TMEM138: variants seen among roughly 807,000 people sequenced by gnomAD.
The protein encoded by TMEM138 is transmembrane protein 138.
In TMEM138, 9 loss-of-function variants were observed where a neutral mutation model predicts 18.1. That is an observed-to-expected ratio of 0.50 (90% CI 0.30 to 0.87). TMEM138 has a LOEUF of 0.87. Ranked by LOEUF, TMEM138 falls within the 40% of genes least tolerant of loss-of-function variation. TMEM138 has a pLI of 0.06. For synonymous variants in TMEM138, 79 were observed against 74.8 expected (o/e 1.06, Z -0.29); for missense variants, 189 against 190.6 (o/e 0.99, Z 0.05).
At chr11:61,375,251 A>G (rs1488943317), downstream of TMEM138, among the ~76,000 whole-genome samples, 1 of 152,114 alleles carries the variant, frequency 6.6e-6, no homozygotes, top group Non-Finnish European at 1.5e-5. Flanking sequence ...ACTCCTATGA[A>G]CAAAATTTGC....
At chr11:61,375,650 T>C (rs986594702), downstream of TMEM138, among the ~76,000 whole-genome samples, 3 of 152,228 alleles carry the variant, frequency 2.0e-5, no homozygotes, top group East Asian at 5.8e-4. Flanking sequence ...ATGACAATAC[T>C]GTTATTTGCA....
downstream of TMEM138, among the ~76,000 whole-genome samples, chr11:61,369,709 G>T (rs140200462): frequency 6.6e-6 from 1 of 152,302 alleles, no homozygotes; most frequent in East Asian, 1.9e-4. Context: ...CTAGGCAGCT[G>T]CGATGGCCTT....
chr11:61,373,731 A>C (rs1215964283), downstream of TMEM138, among the ~76,000 whole-genome samples: 2 of 152,112 alleles, frequency 1.3e-5, no homozygotes, highest in Non-Finnish European at 2.9e-5. Flanking sequence ...TACAGGAAAC[A>C]TTGTCAAATA....
At chr11:61,365,153 A>T (rs1565077435) in intron 2 of TMEM138, among the ~76,000 whole-genome samples, 1 of 150,556 alleles carries the variant, frequency 6.6e-6, no homozygotes, top group African/African-American at 2.4e-5. Flanking sequence ...ATGCCACTGC[A>T]CTCCAGCCTG....
chr11:61,372,711 G>A (rs1858376045), downstream of TMEM138, among the ~76,000 whole-genome samples: 1 of 152,134 alleles, frequency 6.6e-6, no homozygotes, highest in South Asian at 2.1e-4. Flanking sequence ...GTGTGAACCT[G>A]GGAGGTGGAG....
downstream of TMEM138, among the ~76,000 whole-genome samples, chr11:61,376,217 T>C (rs952554259): frequency 6.6e-6 from 1 of 152,004 alleles, no homozygotes; most frequent in Non-Finnish European, 1.5e-5. Flanking sequence ...GGTGTGATGG[T>C]GCATGCCTGT....
At chr11:61,362,692 A>G (rs1857968426) in intron 1 of TMEM138, 1 of 152,204 alleles carries the variant, frequency 6.6e-6, no homozygotes, top group South Asian at 2.1e-4. Flanking sequence ...GCGTTTCTGC[A>G]TAACGGATCC....
intron 3 of TMEM138, chr11:61,367,201 G>A (rs1426519131): frequency 1.3e-5 from 2 of 152,178 alleles, no homozygotes; most frequent in African/African-American, 4.8e-5. Flanking sequence ...CCGGCCTCCA[G>A]GATCCCTCCC....
downstream of TMEM138, among the ~76,000 whole-genome samples, chr11:61,376,115 A>G (rs1228201544): frequency 2.0e-5 from 3 of 152,226 alleles, no homozygotes; most frequent in Non-Finnish European, 4.4e-5. Context: ...TTGAGAGGCC[A>G]AGGCAGGCGG....
Position 61,364,242 on chromosome 11 carries a change from G to T in TMEM138, c.-139-10G>T. On this transcript the variant is annotated splice_polypyrimidine_tract_variant and intron_variant, in intron 1 of 4. Coordinates refer to ENST00000278826, the MANE Select transcript of TMEM138 (RefSeq NM_016464.5). The stretch of plus-strand genomic sequence containing the variant: ...CATTTCTAACCTTGCTTATCTTTTT[G>T]CTCCAACAGGTGCTTGCCTTAGAGC... The T allele has an allele frequency of 1.2e-6, 1 of 860,764 alleles. No homozygotes were observed. Among genetic ancestry groups the T allele is most frequent in the East Asian group, 2.5e-5 (1 of 39,610 alleles). The allele number at this position is 860,764 out of a possible 1,614,324, so 53.3% of individuals were successfully genotyped here.
Position 61,366,294 on chromosome 11 carries a change from G to A in TMEM138, c.300+78G>A. Reference sequence around the variant, plus strand: ...GGGTCTTACTTTGTTACCAAGGCTGGTCTCAAACTCCTGAGCTCAAGCAAT... The same window carrying A: ...GGGTCTTACTTTGTTACCAAGGCTGATCTCAAACTCCTGAGCTCAAGCAAT... On this transcript the variant is annotated intron_variant, in intron 3 of 4. Transcript: ENST00000278826. 1.3e-6 allele frequency: 2 copies of A among 1,488,900 alleles called. 1 individual carries two copies. Among genetic ancestry groups the A allele is most frequent in the South Asian group, 2.7e-5 (2 of 74,126 alleles). The allele number at this position is 1,488,900 out of a possible 1,614,324, so 92.2% of individuals were successfully genotyped here.
rs35245221 is a variant in TMEM138, at chr11:61,366,177, G to A, written c.261G>A (p.Val87=). 8,942 of 1,614,164 alleles carry A rather than the reference G, an allele frequency of 5.5e-3. 197 individuals are homozygous for A. The African/African-American group carries it at 0.057, about 10-fold the overall frequency. ...AAGGGACCATCATCCTGACAGCTGT[G>A]TACTTTGCCCTCAGCATCTCCCTTC... The part of the protein sequence containing the change: ...KFKGTIILTA[V]YFALSISLHV... Residue 87 remains valine (V), a synonymous_variant, in exon 3 of 5, where the codon GTG becomes GTA. Transcript: ENST00000278826.
At chr11:61,376,455 T>G (rs1255799196), downstream of TMEM138, among the ~76,000 whole-genome samples, 1 of 152,238 alleles carries the variant, frequency 6.6e-6, no homozygotes, top group Non-Finnish European at 1.5e-5. Flanking sequence ...TTTTATTATT[T>G]TCTACAGTTT....
Position 61,368,940 on chromosome 11 carries a change from T to G in TMEM138, c.*231T>G. On this transcript the variant is annotated 3_prime_UTR_variant, in exon 5 of 5. Transcript: ENST00000278826. ...TGCCTTCTACCTCTGTTCCACCCCC[T>G]TTCCTTCCTTTCCTCTCTGTACCAT... 1.9e-6 allele frequency: 1 copy of G among 524,106 alleles called. No homozygotes were observed. The highest frequency in any genetic ancestry group is 3.5e-6 in the Non-Finnish European group (1 of 288,254). The allele number at this position is 524,106 out of a possible 1,614,324, so 32.5% of individuals were successfully genotyped here. A position where few individuals can be genotyped will look rare whatever the true frequency, so the allele number is the denominator to read the frequency against.
At chr11:61,372,041 T>C (rs1197050495), downstream of TMEM138, among the ~76,000 whole-genome samples, 1 of 151,884 alleles carries the variant, frequency 6.6e-6, no homozygotes, top group Non-Finnish European at 1.5e-5. Context: ...GCAGGTGTGG[T>C]GGCACATGCG....
downstream of TMEM138, among the ~76,000 whole-genome samples, chr11:61,373,024 T>G (rs762247329): frequency 2.6e-5 from 4 of 152,198 alleles, no homozygotes; most frequent in Non-Finnish European, 5.9e-5. Flanking sequence ...TTTAAAATAC[T>G]TGCAACATTG....
At position 61,365,271 on chromosome 11, in the gene TMEM138, T is replaced by A. The variant is rs115702161; in HGVS notation, c.128+753T>A. Among the ~76,000 whole-genome samples, 420 of 152,094 alleles carry A rather than the reference T, an allele frequency of 2.8e-3. 1 individual carries two copies. The highest frequency in any genetic ancestry group is 9.6e-3 in the African/African-American group (400 of 41,462). ...TTCTATTAAAACATAATTTTATTTT[T>A]TTTTTTTTGAGATGGAGTCTAGCTG... is the stretch of plus-strand genomic sequence containing the variant. On this transcript the variant is annotated intron_variant, in intron 2 of 4. Coordinates refer to ENST00000278826, the MANE Select transcript of TMEM138 (RefSeq NM_016464.5).
downstream of TMEM138, among the ~76,000 whole-genome samples, chr11:61,370,408 T>C (rs1018585876): frequency 5.9e-5 from 9 of 152,192 alleles, no homozygotes; most frequent in African/African-American, 2.2e-4. Flanking sequence ...AGAAGATGAA[T>C]ACAAAATGGC....
downstream of TMEM138, among the ~76,000 whole-genome samples, chr11:61,373,929 C>T (rs879916219): frequency 1.3e-4 from 20 of 151,912 alleles, no homozygotes; most frequent in Admixed American, 1.1e-3. Flanking sequence ...CTGCAGCCTC[C>T]GCCTCCTGGT....
Sources: allele counts gnomAD v4.1 joint callset (sites outside exome capture counted in the v4.1 genomes callset), GRCh38; gene constraint gnomAD v4.1.1; transcripts MANE v1.5; gene names NCBI Gene and HGNC (gene_info 2026-07-23, HGNC 2026-07-21).